The following PLXDC2 variants were observed in gnomAD, a reference collection of about 807,000 sequenced individuals.
PLXDC2 encodes plexin domain containing 2.
In PLXDC2, 40 loss-of-function variants were observed where a neutral mutation model predicts 68.9. The observed-to-expected ratio is 0.58, with a 90% CI of 0.45 to 0.76. The LOEUF (loss-of-function observed/expected upper bound fraction) is 0.76. Ranked by LOEUF, PLXDC2 falls within the 30% of genes least tolerant of loss-of-function variation. The pLI, the probability that PLXDC2 is intolerant of heterozygous loss-of-function variation, is 0.00. For missense variants in PLXDC2, 644 were observed against 661.9 expected (o/e 0.97, Z 0.30); for synonymous variants, 243 against 234.2 (o/e 1.04, Z -0.34).
chr10:20,099,740 T>C lies in PLXDC2; in HGVS notation c.541+31501T>C, dbSNP rs372535094. Reference sequence around the variant, plus strand: ...AAGGTTCTGGGAGGATAATGCCTAGTTAGAGTTGGCTGAGGGAGTGATTAT... The same window carrying C: ...AAGGTTCTGGGAGGATAATGCCTAGCTAGAGTTGGCTGAGGGAGTGATTAT... On this transcript the variant is annotated intron_variant, in intron 4 of 13. Transcript: ENST00000377252. Among the ~76,000 whole-genome samples the C allele has an allele frequency of 3.3e-5, 5 of 152,164 alleles. No homozygotes were observed. The East Asian group carries it at 9.6e-4, about 29-fold the overall frequency.
intron 3 of PLXDC2, among the ~76,000 whole-genome samples, chr10:20,062,262 A>G (rs952209446): frequency 7.9e-5 from 12 of 152,150 alleles, no homozygotes; most frequent in Admixed American, 7.2e-4. Context: ...CGTCTCTACT[A>G]AAAACACAAA....
In PLXDC2 at chr10:19,819,031, T is replaced by TACACACACACACACAC. The variant is rs63295361; in HGVS notation, c.112+1858_112+1873dup. ...CGTTACTGAAAAAAGAATATATGTA[T>TACACACACACACACAC]ACACACACACACACACACACACACA... On this transcript the variant is annotated intron_variant, in intron 1 of 13. Transcript: ENST00000377252. Among the ~76,000 whole-genome samples the TACACACACACACACAC allele has an allele frequency of 3.0e-3, 445 of 147,834 alleles. 1 individual carries two copies. Among genetic ancestry groups the TACACACACACACACAC allele is most frequent in the African/African-American group, 0.01 (406 of 39,790 alleles).
At position 20,254,494 on chromosome 10, in the gene PLXDC2, T is replaced by C. The variant is rs139005027; in HGVS notation, c.1473+8989T>C. ...AAGTCACATATTTTTAATAACTGAGTTTTGCTCTTCAGGTATTTCTTAGTC... is the reference window on the plus strand; with the variant it reads ...AAGTCACATATTTTTAATAACTGAGCTTTGCTCTTCAGGTATTTCTTAGTC... On this transcript the variant is annotated intron_variant, in intron 13 of 13. Transcript: ENST00000377252. Among the ~76,000 whole-genome samples, 20 of 152,262 alleles carry C rather than the reference T, an allele frequency of 1.3e-4. No individual in the cohort carries two copies. In the East Asian group the frequency reaches 3.9e-3, roughly 30 times the overall value.
At chr10:20,205,852 G>A (rs1331776715) in intron 9 of PLXDC2, among the ~76,000 whole-genome samples, 1 of 152,064 alleles carries the variant, frequency 6.6e-6, no homozygotes, top group Non-Finnish European at 1.5e-5. Context: ...CAACATTTCA[G>A]TTAGGAGGAA....
intron 12 of PLXDC2, among the ~76,000 whole-genome samples, chr10:20,242,947 G>A (rs1183011045): frequency 6.6e-6 from 1 of 152,012 alleles, no homozygotes; most frequent in African/African-American, 2.4e-5. Flanking sequence ...CCTGACCTCA[G>A]GTGATCCACC....
intron 6 of PLXDC2, 77 bp from the exon 7 acceptor site, chr10:20,164,391 C>T: frequency 8.7e-7 from 1 of 1,153,062 alleles, no homozygotes; most frequent in Non-Finnish European, 1.3e-6. Context: ...GTCCATGAAA[C>T]AAGAGGATCC....
rs1482143727 is a variant in PLXDC2 at position 20,284,742 on chromosome 10, T to A, written c.*4923T>A. The stretch of plus-strand genomic sequence containing the variant: ...TTTGTTTCAGTTCTCATTGCCTTCA[T>A]CTCTTAATTGTCGGCACTTAAGGCC... On this transcript the variant is annotated 3_prime_UTR_variant, in exon 14 of 14. Transcript: ENST00000377252. 6.6e-6 allele frequency: 1 copy of A among 152,142 alleles called. No homozygotes were observed. The highest frequency in any genetic ancestry group is 1.5e-5 in the Non-Finnish European group (1 of 68,026). 9.4% of individuals were successfully genotyped at this position (152,142 alleles called of 1,614,324 possible). A position where few individuals can be genotyped will look rare whatever the true frequency, so the allele number is the denominator to read the frequency against.
At chr10:20,190,034 T>C (rs1834743877) in intron 9 of PLXDC2, among the ~76,000 whole-genome samples, 1 of 151,894 alleles carries the variant, frequency 6.6e-6, no homozygotes, top group Admixed American at 6.6e-5. Flanking sequence ...CAGTGTTTGC[T>C]TCCCATCTGA....
intron 4 of PLXDC2, among the ~76,000 whole-genome samples, chr10:20,132,595 C>T (rs1833881812): frequency 6.6e-6 from 1 of 151,912 alleles, no homozygotes; most frequent in Non-Finnish European, 1.5e-5. Flanking sequence ...TTATCATTGT[C>T]TCTTGTGGCA....
At chr10:20,154,682 T>A (rs1834195758) in intron 6 of PLXDC2, among the ~76,000 whole-genome samples, 1 of 152,156 alleles carries the variant, frequency 6.6e-6, no homozygotes. Flanking sequence ...TTTCTTTGAC[T>A]TGTCTTATCT....
At chr10:19,943,050 A>G (rs1406935300) in intron 1 of PLXDC2, among the ~76,000 whole-genome samples, 2 of 152,178 alleles carry the variant, frequency 1.3e-5, no homozygotes, top group African/African-American at 2.4e-5. Flanking sequence ...TCATGCACTT[A>G]CTTAGAGAAG....
intron 12 of PLXDC2, among the ~76,000 whole-genome samples, chr10:20,244,662 A>T (rs1835564851): frequency 6.6e-6 from 1 of 152,238 alleles, no homozygotes; most frequent in African/African-American, 2.4e-5. Flanking sequence ...CCAAAAGAAA[A>T]TGAGAGGAGC....
chr10:19,973,301 T>C (rs116991751), intron 1 of PLXDC2, among the ~76,000 whole-genome samples: 7,041 of 116,716 alleles, frequency 0.06, 181 homozygotes, highest in Non-Finnish European at 0.07. Context: ...TATATGTATA[T>C]ATATATACTC....
intron 9 of PLXDC2, among the ~76,000 whole-genome samples, chr10:20,208,226 T>C (rs1332127385): frequency 6.6e-6 from 1 of 152,122 alleles, no homozygotes; most frequent in Non-Finnish European, 1.5e-5. Context: ...GGGTAATTTA[T>C]AAAGAAAAAG....
intron 1 of PLXDC2, among the ~76,000 whole-genome samples, chr10:19,864,894 C>G (rs991529481): frequency 6.6e-6 from 1 of 152,100 alleles, no homozygotes; most frequent in Non-Finnish European, 1.5e-5. Context: ...GGGCTTCCTC[C>G]CCTGAGTTTG....
At chr10:20,279,027 G>T (rs1836046299) in intron 13 of PLXDC2, among the ~76,000 whole-genome samples, 1 of 152,214 alleles carries the variant, frequency 6.6e-6, no homozygotes, top group South Asian at 2.1e-4. Flanking sequence ...TGTATTTTAG[G>T]ACTAGTGTCT....
intron 10 of PLXDC2, among the ~76,000 whole-genome samples, chr10:20,212,620 TA>T (rs951849418): frequency 3.9e-5 from 6 of 152,176 alleles, no homozygotes; most frequent in African/African-American, 1.4e-4. Context: ...AATGCTGTTT[TA>T]AAAACTATTT....
At chr10:19,966,205 A>G (rs915404521) in intron 1 of PLXDC2, among the ~76,000 whole-genome samples, 10 of 132,748 alleles carry the variant, frequency 7.5e-5, no homozygotes, top group Non-Finnish European at 1.4e-4. Flanking sequence ...TCATGCACAT[A>G]TATATACTAC....
At chr10:20,105,309 G>T (rs1185767914) in intron 4 of PLXDC2, among the ~76,000 whole-genome samples, 1 of 152,080 alleles carries the variant, frequency 6.6e-6, no homozygotes, top group African/African-American at 2.4e-5. Flanking sequence ...TTTTGGACTG[G>T]CTTGAAGATA....
Sources: allele counts gnomAD v4.1 joint callset (sites outside exome capture counted in the v4.1 genomes callset), GRCh38; gene constraint gnomAD v4.1.1; transcripts MANE v1.5; gene names NCBI Gene and HGNC (gene_info 2026-07-23, HGNC 2026-07-21).